Variants in SHKBP1 observed in about 807,000 individuals in gnomAD.
SHKBP1 encodes the protein SH3KBP1-binding protein 1.
SHKBP1 carries 71 observed loss-of-function variants against 83.9 expected under a neutral mutation model. That is an observed-to-expected ratio of 0.85 (90% CI 0.70 to 1.03). The LOEUF (loss-of-function observed/expected upper bound fraction) is 1.03, where lower values mean the gene tolerates loss of function less well. Ranked by LOEUF, SHKBP1 falls within the 50% of genes least tolerant of loss-of-function variation. The pLI, the probability that SHKBP1 is intolerant of heterozygous loss-of-function variation, is 0.00. For missense variants in SHKBP1, 824 were observed against 982.4 expected, an observed-to-expected ratio of 0.84 and a Z score of 2.16; for synonymous variants, 371 against 398.0, an observed-to-expected ratio of 0.93 and a Z score of 0.81.
Position 40,590,675 on chromosome 19 carries a change from G to T in SHKBP1, c.1769-55G>T. 1 of 1,527,312 alleles carries T rather than the reference G, an allele frequency of 6.5e-7. No homozygotes were observed. 94.6% of individuals were successfully genotyped at this position (1,527,312 alleles called of 1,614,324 possible). ...GTGCTTGCACTGCAATGCAACCCAG[G>T]CCCTTGCCCTATGACCCCTGTCTTG... is the stretch of plus-strand genomic sequence containing the variant. On this transcript the variant is annotated intron_variant, in intron 16 of 17. Coordinates refer to ENST00000291842, the MANE Select transcript of SHKBP1 (RefSeq NM_138392.4). The surrounding 1 kb of genome is among the most constrained non-coding windows in gnomAD (Gnocchi z 4.6).
At chr19:40,584,821 C>T (rs2081298506) in intron 12 of SHKBP1, among the ~76,000 whole-genome samples, 1 of 152,176 alleles carries the variant, frequency 6.6e-6, no homozygotes, top group African/African-American at 2.4e-5. Context: ...CTGGGTTACG[C>T]CACGTTGGCC....
At chr19:40,578,414 G>A (rs1377972029) in intron 5 of SHKBP1, 48 bp from the exon 6 acceptor site, 1 of 1,590,252 alleles carries the variant, frequency 6.3e-7, no homozygotes, top group South Asian at 1.1e-5. Flanking sequence ...GAAATGGGGT[G>A]GCCTCAGCAT....
chr19:40,579,640 G>A (rs1302173473), intron 6 of SHKBP1, among the ~76,000 whole-genome samples: 2 of 152,182 alleles, frequency 1.3e-5, no homozygotes, highest in Admixed American at 1.3e-4. Flanking sequence ...CCCAGCCTGG[G>A]TGACAGAGCG....
chr19:40,584,638 T>C (rs1408722620), intron 12 of SHKBP1, among the ~76,000 whole-genome samples: 1 of 152,210 alleles, frequency 6.6e-6, no homozygotes, highest in Non-Finnish European at 1.5e-5. Context: ...CTCTTTTTGT[T>C]TGAGACAAGG....
intron 6 of SHKBP1, 72 bp downstream of exon 6, chr19:40,578,614 C>G: frequency 7.2e-7 from 1 of 1,390,496 alleles, no homozygotes; most frequent in Admixed American, 1.7e-5. Context: ...GGCTGCAGCT[C>G]TCGGGTGCCT....
chr19:40,582,273 TG>T, intron 9 of SHKBP1, 77 bp from the exon 10 acceptor site: 1 of 1,140,920 alleles, frequency 8.8e-7, no homozygotes, highest in Non-Finnish European at 1.3e-6. Context: ...CTGAACCCTC[TG>T]GTCCTTGGAG....
chr19:40,580,294 CTG>C (rs1324355907), intron 6 of SHKBP1, 28 bp from the exon 7 acceptor site: 1 of 1,594,502 alleles, frequency 6.3e-7, no homozygotes. Context: ...ATTACAATGA[CTG>C]TTACTCTACC....
intron 9 of SHKBP1, 87 bp from the exon 10 acceptor site, chr19:40,582,264 T>C: frequency 5.8e-6 from 6 of 1,041,516 alleles, no homozygotes; most frequent in South Asian, 3.8e-5. Context: ...GTGGTCCCAC[T>C]GAACCCTCTG....
chr19:40,583,641 C>T lies in SHKBP1; in HGVS notation c.1089C>T (p.Leu363=). The change falls in exon 12 of 18, where the codon CTC becomes CTT. Residue 363 remains leucine (L), a synonymous_variant. Transcript: ENST00000291842. ...KFPLRMKDND[L]LVSELYRDPA... ...CCTTGCGCATGAAAGACAACGACCTCCTTGTCAGCGAGCTCTATCGGGACC... is the reference window on the plus strand; with the variant it reads ...CCTTGCGCATGAAAGACAACGACCTTCTTGTCAGCGAGCTCTATCGGGACC... 4 of 1,613,676 alleles carry T rather than the reference C, an allele frequency of 2.5e-6. No homozygotes were observed. The highest frequency in any genetic ancestry group is 3.4e-6 in the Non-Finnish European group (4 of 1,179,808).
intron 4 of SHKBP1, 65 bp downstream of exon 4, chr19:40,577,695 C>A (rs756222262): frequency 1.3e-6 from 2 of 1,537,174 alleles, no homozygotes; most frequent in African/African-American, 2.7e-5. Flanking sequence ...TCTTTCACCT[C>A]CTCTGAATGT....
chr19:40,577,373 T>C, intron 2 of SHKBP1, 23 bp from the exon 3 acceptor site: 1 of 1,613,970 alleles, frequency 6.2e-7, no homozygotes, highest in Non-Finnish European at 8.5e-7. Flanking sequence ...CCGTGACGCC[T>C]GCTCGGTGTC....
Position 40,588,669 on chromosome 19 carries a change from T to TC in SHKBP1, c.1384dup (p.Arg462ProfsTer17), listed in dbSNP as rs2081331066. On this transcript the variant is annotated frameshift_variant, in exon 14 of 18. Coordinates refer to ENST00000291842, the MANE Select transcript of SHKBP1 (RefSeq NM_138392.4). LOFTEE classifies it high-confidence loss of function. ...GTGCGGACATGGTCTGTGACTCGCT[T>TC]CCGCGGCATGATTTCCACCCAGCCC... 6.2e-7 allele frequency: 1 copy of TC among 1,614,044 alleles called. No homozygotes were observed. The highest frequency in any genetic ancestry group is 8.5e-7 in the Non-Finnish European group (1 of 1,180,034).
chr19:40,590,131 A>G lies in SHKBP1; in HGVS notation c.1590-113A>G. 8.1e-7 allele frequency: 1 copy of G among 1,236,108 alleles called. No individual in the cohort carries two copies. Among genetic ancestry groups the G allele is most frequent in the Non-Finnish European group, 1.1e-6 (1 of 912,412 alleles). 76.6% of individuals were successfully genotyped at this position (1,236,108 alleles called of 1,614,324 possible). ...GAACTCAAAAGCAGGCTAGGGATGG[A>G]TAAAGATTGGGATGGCCCCTGGAGA... On this transcript the variant is annotated intron_variant, in intron 15 of 17. Coordinates refer to ENST00000291842, the MANE Select transcript of SHKBP1 (RefSeq NM_138392.4). This position sits in a 1 kb window ranked among gnomAD's most constrained non-coding sequence, Gnocchi z 4.6.
intron 13 of SHKBP1, 149 bp from the exon 14 acceptor site, chr19:40,588,475 G>T: frequency 9.8e-7 from 1 of 1,018,012 alleles, no homozygotes. Flanking sequence ...TTTAACATTT[G>T]GAATTCTGGG....
chr19:40,577,512 GTCCT>G, intron 3 of SHKBP1, 41 bp from the exon 4 acceptor site: 1 of 1,614,068 alleles, frequency 6.2e-7, no homozygotes, highest in East Asian at 2.2e-5. Context: ...ACCCCACTCA[GTCCT>G]GCCTTTTACC....
In SHKBP1 at chr19:40,588,624, T is replaced by C; in HGVS notation, c.1337T>C (p.Val446Ala). 2 of 1,614,192 alleles carry C rather than the reference T, an allele frequency of 1.2e-6. No individual in the cohort carries two copies. Among genetic ancestry groups the C allele is most frequent in the Non-Finnish European group, 1.7e-6 (2 of 1,180,024 alleles). The change falls in exon 14 of 18, where the codon GTC becomes GCC. Residue 446 changes from valine (V) to alanine (A), a missense_variant and splice_region_variant. Physicochemically the swap from Val to Ala is moderately conservative, Grantham distance 64. This residue lies in a region of SHKBP1 where 182 missense variants were observed against 273.1 expected (regional missense o/e 0.67). Coordinates refer to ENST00000291842, the MANE Select transcript of SHKBP1 (RefSeq NM_138392.4). ...IMLSEKHLISVCADNNHVRTW... is the reference protein window; with the variant it reads ...IMLSEKHLISACADNNHVRTW... ...TTCCTGCTCTCCTTGTGCCCCTCAGTCTGTGCCGACAACAACCACGTGCGG... is the reference window on the plus strand; with the variant it reads ...TTCCTGCTCTCCTTGTGCCCCTCAGCCTGTGCCGACAACAACCACGTGCGG...
chr19:40,577,735 C>A, intron 4 of SHKBP1, 105 bp downstream of exon 4: 1 of 1,386,608 alleles, frequency 7.2e-7, no homozygotes. Flanking sequence ...TTAGAATTCT[C>A]ATTCAGAACC....
chr19:40,584,184 A>G (rs1173041529), intron 12 of SHKBP1, among the ~76,000 whole-genome samples: 1 of 152,184 alleles, frequency 6.6e-6, no homozygotes, highest in African/African-American at 2.4e-5. Flanking sequence ...TTTACTGAGT[A>G]TCCCTGTATA....
chr19:40,587,938 A>G (rs1295241134), intron 13 of SHKBP1, among the ~76,000 whole-genome samples: 1 of 152,152 alleles, frequency 6.6e-6, no homozygotes, highest in Non-Finnish European at 1.5e-5. Flanking sequence ...AATCAACACC[A>G]GGCAATGATA....
Sources: gnomAD v4.1 joint callset for allele counts (sites outside exome capture counted in the v4.1 genomes callset) on GRCh38, gnomAD v4.1.1 for gene constraint, gnomAD v4.1.1 regional missense constraint, Gnocchi (gnomAD v3.1) non-coding constraint, MANE v1.5 for transcripts, NCBI Gene and HGNC (gene_info 2026-07-23, HGNC 2026-07-21) for gene names.